Variants in NETO1 observed in about 807,000 individuals in gnomAD.
NETO1 encodes the protein neuropilin and tolloid like 1.
Under a neutral mutation model 61.3 loss-of-function variants are expected in NETO1, and 26 were observed. The observed-to-expected ratio is 0.42, with a 90% confidence interval of 0.31 to 0.59. The LOEUF (loss-of-function observed/expected upper bound fraction) is 0.59. NETO1 is among the 20% of genes least tolerant of loss of function. The pLI, the probability that NETO1 is intolerant of heterozygous loss-of-function variation, is 0.12. For synonymous variants in NETO1, 225 were observed against 225.8 expected (o/e 1.00, Z 0.03); for missense variants, 531 against 662.8 (o/e 0.80, Z 2.18).
intron 6 of NETO1, among the ~76,000 whole-genome samples, chr18:72,792,505 A>G (rs182641906): frequency 3.1e-4 from 47 of 151,478 alleles, no homozygotes; most frequent in South Asian, 1.7e-3. Context: ...ACCAAATTCT[A>G]TCTCATCTCT....
chr18:72,754,582 G>A (rs2145098369), intron 8 of NETO1, among the ~76,000 whole-genome samples: 1 of 152,206 alleles, frequency 6.6e-6, no homozygotes, highest in South Asian at 2.1e-4. Context: ...CTAAACTCTA[G>A]AAGATTGTTT....
chr18:72,793,498 A>G (rs1045628770), intron 6 of NETO1, among the ~76,000 whole-genome samples: 2 of 152,214 alleles, frequency 1.3e-5, no homozygotes, highest in African/African-American at 4.8e-5. Context: ...CTCAAAAGTC[A>G]GGGTGATCAA....
rs554517815 is a variant in NETO1 at position 72,758,091 on chromosome 18, C to T, written c.869-1944G>A. 1.3e-4 allele frequency among the ~76,000 whole-genome samples: 20 copies of T among 152,116 alleles called. No homozygotes were observed. The East Asian group carries it at 3.9e-3, about 29-fold the overall frequency. On this transcript the variant is annotated intron_variant, in intron 7 of 10. Transcript: ENST00000327305. ...AATTTAAACATATAAATAAAAATAA[C>T]ATTGCATTCTGGTAATCGAGTGAAG...
intron 4 of NETO1, among the ~76,000 whole-genome samples, chr18:72,803,908 A>G (rs1348638727): frequency 6.6e-6 from 1 of 152,078 alleles, no homozygotes; most frequent in Non-Finnish European, 1.5e-5. Context: ...TACTTCCACC[A>G]TAACAACACA....
chr18:72,832,836 T>C (rs1378662458), intron 4 of NETO1, among the ~76,000 whole-genome samples: 2 of 152,218 alleles, frequency 1.3e-5, no homozygotes, highest in Non-Finnish European at 2.9e-5. Context: ...GTAATAAACA[T>C]ACAGATTTAT....
intron 4 of NETO1, among the ~76,000 whole-genome samples, chr18:72,808,790 TTAGCAG>T (rs935188843): frequency 6.6e-6 from 1 of 152,196 alleles, no homozygotes; most frequent in Non-Finnish European, 1.5e-5. Context: ...GCTGGAAACT[TTAGCAG>T]TGTTCTCTGT....
chr18:72,757,766 A>T (rs899418372), intron 7 of NETO1, among the ~76,000 whole-genome samples: 1 of 152,176 alleles, frequency 6.6e-6, no homozygotes, highest in East Asian at 1.9e-4. Flanking sequence ...CTAAATTTGA[A>T]TTTCTGTAGC....
intron 9 of NETO1, among the ~76,000 whole-genome samples, chr18:72,749,326 A>G (rs1057038287): frequency 3.3e-5 from 5 of 152,164 alleles, no homozygotes; most frequent in Admixed American, 6.5e-5. Flanking sequence ...AAAACGAAGT[A>G]TAAGTTGACA....
At chr18:72,801,520 G>T (rs1056209402) in intron 4 of NETO1, among the ~76,000 whole-genome samples, 2 of 152,104 alleles carry the variant, frequency 1.3e-5, no homozygotes, top group Non-Finnish European at 1.5e-5. Flanking sequence ...TAAGTTTAGG[G>T]TGTAAATAAC....
chr18:72,798,295 T>C (rs2072388363), intron 4 of NETO1, among the ~76,000 whole-genome samples: 1 of 152,182 alleles, frequency 6.6e-6, no homozygotes, highest in Admixed American at 6.5e-5. Context: ...GCGAGGGATC[T>C]AGGGTGCACG....
chr18:72,833,447 C>T (rs2073643841), intron 4 of NETO1, among the ~76,000 whole-genome samples: 1 of 152,198 alleles, frequency 6.6e-6, no homozygotes, highest in South Asian at 2.1e-4. Flanking sequence ...ACATTTCCCA[C>T]TAAACTACAA....
intron 4 of NETO1, among the ~76,000 whole-genome samples, chr18:72,844,506 G>A (rs2074026826): frequency 6.6e-6 from 1 of 152,146 alleles, no homozygotes; most frequent in Non-Finnish European, 1.5e-5. Context: ...TTCGCAATCT[G>A]AATCAGACTT....
chr18:72,745,657 A>T lies in NETO1; in HGVS notation c.*2522T>A, dbSNP rs986538716. ...GGCTGCATTCAGGTGATAAGGTCTG[A>T]TATAGCTACTAAATCGTTTTTGATA... On this transcript the variant is annotated 3_prime_UTR_variant, in exon 11 of 11. Transcript: ENST00000327305. 2 of 152,206 alleles carry T rather than the reference A, an allele frequency of 1.3e-5. No homozygotes were observed. The highest frequency in any genetic ancestry group is 2.9e-5 in the Non-Finnish European group (2 of 68,034). 9.4% of individuals were successfully genotyped at this position (152,206 alleles called of 1,614,324 possible).
intron 4 of NETO1, among the ~76,000 whole-genome samples, chr18:72,849,080 TG>T (rs543107650): frequency 3.9e-5 from 6 of 152,254 alleles, no homozygotes; most frequent in Non-Finnish European, 5.9e-5. Context: ...CTGAATTCTC[TG>T]ATCTTTTGAT....
At position 72,765,402 on chromosome 18, in the gene NETO1, T is replaced by C. The variant is rs185529436; in HGVS notation, c.869-9255A>G. Among the ~76,000 whole-genome samples the C allele has an allele frequency of 4.9e-3, 738 of 152,088 alleles. 5 individuals carry two copies. Among genetic ancestry groups the C allele is most frequent in the African/African-American group, 0.017 (697 of 41,432 alleles). ...TTCATAAATACTTGGTGACAGACTATATATCACAATAAAAATTCTTTTTTT... is the reference window on the plus strand; with the variant it reads ...TTCATAAATACTTGGTGACAGACTACATATCACAATAAAAATTCTTTTTTT... On this transcript the variant is annotated intron_variant, in intron 7 of 10. Transcript: ENST00000327305.
At chr18:72,770,435 T>C (rs1267104160) in intron 7 of NETO1, among the ~76,000 whole-genome samples, 1 of 152,110 alleles carries the variant, frequency 6.6e-6, no homozygotes, top group Non-Finnish European at 1.5e-5. Flanking sequence ...ATAGTGTGCT[T>C]TATGTATATT....
In NETO1 at chr18:72,867,191, C is replaced by T. The variant is rs973316228; in HGVS notation, c.28+73G>A. Reference sequence around the variant, plus strand: ...GAGCGCGGCGCAGAGGCTTTTCCTGCGCGTTCGGCCCCGGGAAAGGGGCGG... The same window carrying T: ...GAGCGCGGCGCAGAGGCTTTTCCTGTGCGTTCGGCCCCGGGAAAGGGGCGG... On this transcript the variant is annotated intron_variant, in intron 1 of 10. Coordinates refer to ENST00000327305, the MANE Select transcript of NETO1 (RefSeq NM_138966.5). The T allele has an allele frequency of 6.6e-6, 8 of 1,203,804 alleles. No individual in the cohort carries two copies. The African/African-American group carries it at 7.9e-5, about 12-fold the overall frequency. 74.6% of individuals were successfully genotyped at this position (1,203,804 alleles called of 1,614,324 possible). A position where few individuals can be genotyped will look rare whatever the true frequency, so the allele number is the denominator to read the frequency against.
intron 4 of NETO1, among the ~76,000 whole-genome samples, chr18:72,826,922 A>AG (rs1325223709): frequency 1.3e-5 from 2 of 151,988 alleles, no homozygotes; most frequent in East Asian, 1.9e-4. Flanking sequence ...ACCCATTTCT[A>AG]GGGGGGCTGG....
At chr18:72,775,454 A>G (rs1348757498) in intron 7 of NETO1, among the ~76,000 whole-genome samples, 1 of 152,142 alleles carries the variant, frequency 6.6e-6, no homozygotes, top group African/African-American at 2.4e-5. Flanking sequence ...CCAAAATAGC[A>G]TGTTTCAGAA....
Sources: gnomAD v4.1 joint callset for allele counts (sites outside exome capture counted in the v4.1 genomes callset) on GRCh38, gnomAD v4.1.1 for gene constraint, MANE v1.5 for transcripts, NCBI Gene and HGNC (gene_info 2026-07-23, HGNC 2026-07-21) for gene names.